SLC9D1: variants seen among roughly 807,000 people sequenced by gnomAD.
The protein encoded by SLC9D1 is putative LAG1-interacting protein.
At chr13:113,516,121 G>C in the SLC9D1 span, among the ~76,000 whole-genome samples, 1 of 152,198 alleles carries the variant, frequency 6.6e-6, no homozygotes, top group Non-Finnish European at 1.5e-5. Context: ...TGGTTAAGAG[G>C]ATGACTGGGG....
At chr13:113,492,800 AG>A in the SLC9D1 span, among the ~76,000 whole-genome samples, 1 of 152,150 alleles carries the variant, frequency 6.6e-6, no homozygotes, top group African/African-American at 2.4e-5. Context: ...TGGGAGGCTG[AG>A]GCAGGAGAAT....
the SLC9D1 span, among the ~76,000 whole-genome samples, chr13:113,521,324 GTCTGCATGCATGTGCGTCTGCATGTATA>G: frequency 1.3e-5 from 2 of 148,886 alleles, no homozygotes; most frequent in Admixed American, 6.7e-5. Context: ...GTTTGCATGT[GTCTGCATGCATGTGCGTCTGCATGTATA>G]TCTGCATGCA....
At chr13:113,546,838 C>T in the SLC9D1 span, among the ~76,000 whole-genome samples, 1 of 152,142 alleles carries the variant, frequency 6.6e-6, no homozygotes, top group Non-Finnish European at 1.5e-5. The surrounding 1 kb of genome is among the most constrained non-coding windows in gnomAD (Gnocchi z 7.1). Context: ...GTGGAGACAA[C>T]GTTTCCCATT....
the SLC9D1 span, among the ~76,000 whole-genome samples, chr13:113,525,290 C>T: frequency 6.6e-6 from 1 of 152,146 alleles, no homozygotes; most frequent in Admixed American, 6.5e-5. Context: ...GCCCTTGTAA[C>T]GTCACAGGGC....
At chr13:113,526,421 A>G in the SLC9D1 span, among the ~76,000 whole-genome samples, 2 of 152,190 alleles carry the variant, frequency 1.3e-5, no homozygotes, top group Non-Finnish European at 2.9e-5. Flanking sequence ...AATATTTTTA[A>G]TAAACTCAGC....
At chr13:113,513,342 C>T in the SLC9D1 span, among the ~76,000 whole-genome samples, 1 of 152,186 alleles carries the variant, frequency 6.6e-6, no homozygotes, top group Non-Finnish European at 1.5e-5. Context: ...CCACAGGGCC[C>T]AGACCCAGGC....
chr13:113,531,747 G>A, the SLC9D1 span, among the ~76,000 whole-genome samples: 5 of 152,368 alleles, frequency 3.3e-5, no homozygotes, highest in East Asian at 1.9e-4. Flanking sequence ...GCGGCAAGCC[G>A]GAATCCTGAG....
the SLC9D1 span, among the ~76,000 whole-genome samples, chr13:113,519,265 C>T: frequency 1.3e-5 from 2 of 151,638 alleles, no homozygotes; most frequent in South Asian, 4.2e-4. Context: ...AGGCTGGTCT[C>T]GAACTCCTGA....
At chr13:113,506,790 C>A in the SLC9D1 span, among the ~76,000 whole-genome samples, 1 of 152,122 alleles carries the variant, frequency 6.6e-6, no homozygotes, top group Non-Finnish European at 1.5e-5. Flanking sequence ...CTATAGTATT[C>A]ACAGTTAAAT....
the SLC9D1 span, among the ~76,000 whole-genome samples, chr13:113,518,326 C>T: frequency 5.3e-5 from 8 of 151,520 alleles, no homozygotes; most frequent in Admixed American, 3.3e-4. Context: ...ACTCGGGGTC[C>T]TGCATCAGGG....
chr13:113,499,810 A>G, the SLC9D1 span: 1 of 446,442 alleles, frequency 2.2e-6, no homozygotes, highest in Non-Finnish European at 3.9e-6. Flanking sequence ...CCATTCTTAA[A>G]TTACTTCTTT....
the SLC9D1 span, among the ~76,000 whole-genome samples, chr13:113,525,131 T>A: frequency 6.6e-6 from 1 of 152,206 alleles, no homozygotes; most frequent in Non-Finnish European, 1.5e-5. Context: ...GTAGAAGCCT[T>A]ATTTCCACTT....
At chr13:113,498,483 G>A in the SLC9D1 span, 1 of 1,592,664 alleles carries the variant, frequency 6.3e-7, no homozygotes, top group Non-Finnish European at 8.5e-7. Flanking sequence ...TCGTCTGGAG[G>A]AAGAGATAGA....
At chr13:113,494,111 C>T in the SLC9D1 span, among the ~76,000 whole-genome samples, 1 of 152,148 alleles carries the variant, frequency 6.6e-6, no homozygotes, top group Non-Finnish European at 1.5e-5. Flanking sequence ...GTCGGGGAAT[C>T]TTTGTAATAT....
the SLC9D1 span, among the ~76,000 whole-genome samples, chr13:113,499,054 G>C: frequency 6.6e-6 from 1 of 152,166 alleles, no homozygotes; most frequent in East Asian, 1.9e-4. Flanking sequence ...GAATTTTCTG[G>C]GAAAGGGGTG....
At chr13:113,494,705 G>A in the SLC9D1 span, among the ~76,000 whole-genome samples, 7 of 152,048 alleles carry the variant, frequency 4.6e-5, no homozygotes. Flanking sequence ...GCACTTGACT[G>A]TAGACTGACT....
At chr13:113,536,983 C>A in the SLC9D1 span, among the ~76,000 whole-genome samples, 1 of 152,158 alleles carries the variant, frequency 6.6e-6, no homozygotes, top group East Asian at 1.9e-4. Context: ...AGGAGTGGAG[C>A]ATCTCAGGGC....
chr13:113,500,162 G>A, the SLC9D1 span: 1 of 1,397,828 alleles, frequency 7.2e-7, no homozygotes, highest in Non-Finnish European at 9.4e-7. Context: ...AGTGAGTCAT[G>A]GTGGGGATGC....
the SLC9D1 span, among the ~76,000 whole-genome samples, chr13:113,493,001 T>TCAAAAA: frequency 6.6e-6 from 1 of 152,236 alleles, no homozygotes; most frequent in African/African-American, 2.4e-5. Flanking sequence ...AAAAACATGC[T>TCAAAAA]ACAATTTAGT....
Sources: allele counts gnomAD v4.1 joint callset (sites outside exome capture counted in the v4.1 genomes callset), GRCh38; gene constraint gnomAD v4.1.1; non-coding constraint Gnocchi (gnomAD v3.1); transcripts MANE v1.5; gene names NCBI Gene and HGNC (gene_info 2026-07-23, HGNC 2026-07-21).